The following C8orf89 variants were observed in gnomAD, a reference collection of about 807,000 sequenced individuals.
The protein encoded by C8orf89 is putative uncharacterized protein C8orf89.
C8orf89 carries 14 observed loss-of-function variants against 15.8 expected under a neutral mutation model. The ratio of observed to expected loss-of-function variants is 0.89; its 90% CI spans 0.59 to 1.39. C8orf89 has a LOEUF of 1.39. C8orf89 is among the 40% of genes most tolerant of loss of function. The pLI is 0.00. For synonymous variants in C8orf89, 55 were observed against 62.2 expected, an observed-to-expected ratio of 0.88 and a Z score of 0.54; for missense variants, 181 against 184.5, an observed-to-expected ratio of 0.98 and a Z score of 0.11.
At chr8:73,285,760 C>A in the C8orf89 span, among the ~76,000 whole-genome samples, 1 of 152,204 alleles carries the variant, frequency 6.6e-6, no homozygotes, top group Non-Finnish European at 1.5e-5. Context: ...CCACCTCAGC[C>A]CCCCGCCCAG....
chr8:73,265,531 T>G, the C8orf89 span, among the ~76,000 whole-genome samples: 1 of 152,210 alleles, frequency 6.6e-6, no homozygotes. Context: ...AAGTCCAGGT[T>G]GGAGGAGTGG....
intron 3 of C8orf89, among the ~76,000 whole-genome samples, chr8:73,245,513 G>C (rs1020031510): frequency 6.6e-6 from 1 of 151,854 alleles, no homozygotes; most frequent in Non-Finnish European, 1.5e-5. Flanking sequence ...TATAGGAAAG[G>C]GGAGAAATCA....
chr8:73,241,485 C>CT lies in C8orf89; in HGVS notation c.457dup (p.Ser153LysfsTer24), dbSNP rs951061763. The CT allele has an allele frequency of 2.0e-5, 31 of 1,525,554 alleles. 1 individual carries two copies. The highest frequency in any genetic ancestry group is 8.3e-5 in the African/African-American group (6 of 72,582). 94.5% of individuals were successfully genotyped at this position (1,525,554 alleles called of 1,614,324 possible). Reference sequence around the variant, plus strand: ...GCGGTCTCGGAGGTCTCGTTTCTTGCTTTTTTTTGATTTTGTGGTTGTTTC... The same window carrying CT: ...GCGGTCTCGGAGGTCTCGTTTCTTGCTTTTTTTTTGATTTTGTGGTTGTTTC... On this transcript the variant is annotated frameshift_variant, in exon 4 of 4. Coordinates refer to ENST00000624510, the MANE Select transcript of C8orf89 (RefSeq NM_001243237.3). LOFTEE classifies it high-confidence loss of function.
At chr8:73,281,986 C>T in the C8orf89 span, among the ~76,000 whole-genome samples, 1 of 152,188 alleles carries the variant, frequency 6.6e-6, no homozygotes, top group South Asian at 2.1e-4. Flanking sequence ...GAAAGCAAGC[C>T]GTTTGCTGAC....
chr8:73,277,739 C>A, the C8orf89 span: 1 of 746,312 alleles, frequency 1.3e-6, no homozygotes. Flanking sequence ...CCCAGCTCGT[C>A]CACATGGGTT....
intron 3 of C8orf89, among the ~76,000 whole-genome samples, chr8:73,247,621 T>C (rs531797887): frequency 6.6e-6 from 1 of 152,338 alleles, no homozygotes; most frequent in African/African-American, 2.4e-5. Flanking sequence ...TTTTACTTTT[T>C]GATAGTAGCC....
the C8orf89 span, among the ~76,000 whole-genome samples, chr8:73,285,366 A>C: frequency 6.6e-6 from 1 of 152,106 alleles, no homozygotes; most frequent in Non-Finnish European, 1.5e-5. Flanking sequence ...CCCCGACCCC[A>C]CCTAGTAGCC....
Position 73,259,425 on chromosome 8 carries a change from T to C in C8orf89, c.34A>G (p.Thr12Ala), listed in dbSNP as rs1221163896. Residue 12 changes from threonine to alanine, a missense_variant, in exon 1 of 4, where the codon ACT (threonine) becomes GCT (alanine). Thr to Ala is a moderately conservative substitution (Grantham distance 58). Transcript: ENST00000624510. ...AAGGAACTTCTGGTGAATTTAGAAGTCTCACATTTGATTTCAGGAGATAGC... is the reference window on the plus strand; with the variant it reads ...AAGGAACTTCTGGTGAATTTAGAAGCCTCACATTTGATTTCAGGAGATAGC... ...SVLSPEIKCE[T>A]SKFTRSSFGS... 5.2e-6 allele frequency: 8 copies of C among 1,534,200 alleles called. 1 individual carries two copies. The South Asian group carries it at 7.2e-5, about 14-fold the overall frequency.
At chr8:73,246,094 A>G (rs1813116208) in intron 3 of C8orf89, among the ~76,000 whole-genome samples, 2 of 152,226 alleles carry the variant, frequency 1.3e-5, no homozygotes, top group African/African-American at 4.8e-5. Flanking sequence ...AGCAAATTAA[A>G]TGTGGCAGAA....
chr8:73,278,052 C>A, the C8orf89 span: 1 of 472,206 alleles, frequency 2.1e-6, no homozygotes. Context: ...GACATTTCTG[C>A]CTCAGTCTCC....
intron 2 of C8orf89, among the ~76,000 whole-genome samples, chr8:73,256,228 A>C (rs952573382): frequency 2.0e-5 from 3 of 152,066 alleles, no homozygotes; most frequent in South Asian, 2.1e-4. Context: ...CTGATAGTCA[A>C]TGCAGGATGT....
intron 3 of C8orf89, among the ~76,000 whole-genome samples, chr8:73,249,039 A>G (rs997560560): frequency 4.3e-4 from 66 of 152,184 alleles, no homozygotes; most frequent in African/African-American, 1.1e-3. Flanking sequence ...TGCCCATTCA[A>G]TATGATGTTG....
At chr8:73,274,394 G>A in the C8orf89 span, among the ~76,000 whole-genome samples, 4,566 of 152,036 alleles carry the variant, frequency 0.03, 223 homozygotes, top group African/African-American at 0.11. Flanking sequence ...CTTGTGATCC[G>A]CCCACCTCGG....
chr8:73,250,233 A>G, intron 3 of C8orf89, 35 bp downstream of exon 3: 1 of 1,441,838 alleles, frequency 6.9e-7, no homozygotes, highest in East Asian at 2.5e-5. Context: ...ATGACACCCA[A>G]GAGAGGTAGT....
At chr8:73,250,740 G>T (rs2130262329) in intron 2 of C8orf89, among the ~76,000 whole-genome samples, 1 of 152,110 alleles carries the variant, frequency 6.6e-6, no homozygotes, top group East Asian at 1.9e-4. Context: ...GATTATTAGG[G>T]GAAATATATC....
chr8:73,270,430 A>G, the C8orf89 span, among the ~76,000 whole-genome samples: 1 of 152,226 alleles, frequency 6.6e-6, no homozygotes, highest in Non-Finnish European at 1.5e-5. Context: ...TAATCCCCTA[A>G]TTTTTGAGTT....
chr8:73,243,053 C>G (rs1324422014), intron 3 of C8orf89, among the ~76,000 whole-genome samples: 1 of 152,044 alleles, frequency 6.6e-6, no homozygotes, highest in Non-Finnish European at 1.5e-5. Flanking sequence ...AAGCCAGGTA[C>G]AGAAAGACAA....
intron 2 of C8orf89, among the ~76,000 whole-genome samples, chr8:73,252,467 G>A (rs1400066156): frequency 6.6e-6 from 1 of 151,952 alleles, no homozygotes; most frequent in Non-Finnish European, 1.5e-5. Context: ...TTGAAAGAAG[G>A]GAATATCCAA....
chr8:73,246,529 C>G (rs999030523), intron 3 of C8orf89, among the ~76,000 whole-genome samples: 1 of 152,156 alleles, frequency 6.6e-6, no homozygotes, highest in African/African-American at 2.4e-5. Context: ...CAGGCGCACA[C>G]CACAATTCCC....
Sources: gnomAD v4.1 joint callset for allele counts (sites outside exome capture counted in the v4.1 genomes callset) on GRCh38, gnomAD v4.1.1 for gene constraint, MANE v1.5 for transcripts, NCBI Gene and HGNC (gene_info 2026-07-23, HGNC 2026-07-21) for gene names.